Variants in NUP107 observed in about 807,000 individuals in gnomAD.
NUP107 encodes nucleoporin 107.
In NUP107, 101 loss-of-function variants were observed where a neutral mutation model predicts 141.0. The observed-to-expected ratio is 0.72, with a 90% CI of 0.61 to 0.84. NUP107 has a LOEUF of 0.84. Ranked by LOEUF, NUP107 falls within the 40% of genes least tolerant of loss-of-function variation. The pLI, the probability that NUP107 is intolerant of heterozygous loss-of-function variation, is 0.00. For missense variants in NUP107, 941 were observed against 1,102.7 expected (o/e 0.85, Z 2.08); for synonymous variants, 319 against 363.9 (o/e 0.88, Z 1.41).
rs760524131 is a variant in NUP107, at chr12:68,696,931, A to G, written c.552+9A>G. ...ACATCTGTGGTAGTCAGGTAAGCTA[A>G]TTTCACTCCGTCGTTAGTCAAACTT... On this transcript the variant is annotated intron_variant, in intron 6 of 27. Coordinates refer to ENST00000229179, the MANE Select transcript of NUP107 (RefSeq NM_020401.4). 12 of 1,508,856 alleles carry G rather than the reference A, an allele frequency of 8.0e-6. No homozygotes were observed. The highest frequency in any genetic ancestry group is 1.1e-5 in the Non-Finnish European group (12 of 1,095,792). 93.5% of individuals were successfully genotyped at this position (1,508,856 alleles called of 1,614,324 possible).
chr12:68,719,009 C>T (rs1877236914), intron 12 of NUP107, among the ~76,000 whole-genome samples: 1 of 152,136 alleles, frequency 6.6e-6, no homozygotes, highest in Admixed American at 6.5e-5. Flanking sequence ...CTGCCTCAGC[C>T]TCCCGAGTAG....
chr12:68,708,749 G>A (rs1261269694), intron 8 of NUP107, among the ~76,000 whole-genome samples: 5 of 152,020 alleles, frequency 3.3e-5, no homozygotes, highest in Non-Finnish European at 7.4e-5. Flanking sequence ...CCTCCGAGTA[G>A]CTGGGATTAC....
At chr12:68,741,362 A>G (rs1379112677) in intron 26 of NUP107, among the ~76,000 whole-genome samples, 1 of 152,096 alleles carries the variant, frequency 6.6e-6, no homozygotes, top group Non-Finnish European at 1.5e-5. Flanking sequence ...TCCATTTTCC[A>G]TGTGTATAAG....
intron 11 of NUP107, among the ~76,000 whole-genome samples, chr12:68,715,202 A>G (rs921230913): frequency 1.3e-5 from 2 of 152,166 alleles, no homozygotes; most frequent in African/African-American, 4.8e-5. Context: ...TTAAATTGAA[A>G]CAATTTATTT....
intron 4 of NUP107, 127 bp from the exon 5 acceptor site, chr12:68,691,841 G>GAAAA: frequency 3.5e-6 from 2 of 576,168 alleles, no homozygotes; most frequent in Non-Finnish European, 2.6e-6. Context: ...CTCAAGAAGG[G>GAAAA]AAAAAAAAAA....
intron 11 of NUP107, among the ~76,000 whole-genome samples, chr12:68,715,371 A>G (rs1226681200): frequency 6.6e-6 from 1 of 152,106 alleles, no homozygotes. Flanking sequence ...GCGTGCACCT[A>G]TAATCCCAGC....
intron 8 of NUP107, chr12:68,705,531 TTAAAAAA>T (rs2136013063): frequency 3.5e-6 from 1 of 283,754 alleles, no homozygotes; most frequent in East Asian, 8.2e-5. Context: ...AAAGTATTCT[TTAAAAAA>T]AAAAAAAAAA....
At chr12:68,736,717 C>CTTTTTTTTTTTTTTTTTTTTTTT (rs10713889) in intron 26 of NUP107, among the ~76,000 whole-genome samples, 6 of 105,882 alleles carry the variant, frequency 5.7e-5, no homozygotes, top group African/African-American at 2.2e-4. Flanking sequence ...GTGTCGCCAC[C>CTTTTTTTTTTTTTTTTTTTTTTT]TTTTTTTTTT....
intron 14 of NUP107, 125 bp downstream of exon 14, chr12:68,719,779 G>A: frequency 1.4e-6 from 1 of 691,050 alleles, no homozygotes; most frequent in South Asian, 1.7e-5. Flanking sequence ...ATTAAATTGA[G>A]GAATAGGCTT....
At chr12:68,699,455 GTAA>G (rs1270694469) in intron 6 of NUP107, among the ~76,000 whole-genome samples, 1 of 152,124 alleles carries the variant, frequency 6.6e-6, no homozygotes, top group African/African-American at 2.4e-5. Flanking sequence ...ACTGCATTCA[GTAA>G]TAATTGAAAT....
chr12:68,713,775 C>T lies in NUP107; in HGVS notation c.936C>T (p.Tyr312=), dbSNP rs370818496. ...TAAAACAACGGCAGCTGACTTCTTACGTTGGAAGTGTTCGTCCGCTTGTCA... is the reference window on the plus strand; with the variant it reads ...TAAAACAACGGCAGCTGACTTCTTATGTTGGAAGTGTTCGTCCGCTTGTCA... The part of the protein sequence containing the change: ...HTLKQRQLTS[Y]VGSVRPLVTE... Residue 312 remains tyrosine (Y), a synonymous_variant, in exon 11 of 28, where the codon TAC becomes TAT. Coordinates refer to ENST00000229179, the MANE Select transcript of NUP107 (RefSeq NM_020401.4). 26 of 1,610,274 alleles carry T rather than the reference C, an allele frequency of 1.6e-5. No homozygotes were observed. The highest frequency in any genetic ancestry group is 8.0e-5 in the African/African-American group (6 of 74,646).
At position 68,734,694 on chromosome 12, in the gene NUP107, A is replaced by G; in HGVS notation, c.2263-14A>G. Reference sequence around the variant, plus strand: ...TGTTATTTTATATTTTGGTTTTTTTATTTCACATTTTAGGAAGCCCATGAA... The same window carrying G: ...TGTTATTTTATATTTTGGTTTTTTTGTTTCACATTTTAGGAAGCCCATGAA... On this transcript the variant is annotated splice_polypyrimidine_tract_variant and intron_variant, in intron 24 of 27. Coordinates refer to ENST00000229179, the MANE Select transcript of NUP107 (RefSeq NM_020401.4). The G allele has an allele frequency of 6.7e-7, 1 of 1,503,152 alleles. No homozygotes were observed. Among genetic ancestry groups the G allele is most frequent in the Non-Finnish European group, 8.9e-7 (1 of 1,123,784 alleles). The allele number at this position is 1,503,152 out of a possible 1,614,324, so 93.1% of individuals were successfully genotyped here. A position where few individuals can be genotyped will look rare whatever the true frequency, so the allele number is the denominator to read the frequency against.
Position 68,733,481 on chromosome 12 carries a change from G to A in NUP107, c.2131G>A (p.Val711Ile). 6.2e-7 allele frequency: 1 copy of A among 1,609,406 alleles called. No individual in the cohort carries two copies. The highest frequency in any genetic ancestry group is 1.1e-5 in the South Asian group (1 of 89,698). ...AAAAAAGCACGAAGCTGCAAAAGAA[G>A]TATTTGTGAAAATTCCTCAGGATTC... is the stretch of plus-strand genomic sequence containing the variant. Reference protein sequence around the residue: ...ASKKHEAAKEVFVKIPQDSIA... With the variant: ...ASKKHEAAKEIFVKIPQDSIA... Residue 711 changes from valine to isoleucine, a missense_variant, in exon 24 of 28, where the codon GTA (valine) becomes ATA (isoleucine). Transcript: ENST00000229179.
chr12:68,701,760 T>C (rs1467133948), intron 7 of NUP107, among the ~76,000 whole-genome samples: 1 of 152,152 alleles, frequency 6.6e-6, no homozygotes, highest in Non-Finnish European at 1.5e-5. Flanking sequence ...TCATGACATA[T>C]TGTTATATGA....
intron 12 of NUP107, among the ~76,000 whole-genome samples, chr12:68,717,054 C>A (rs543540530): frequency 1.3e-5 from 2 of 152,090 alleles, no homozygotes; most frequent in Admixed American, 6.6e-5. Flanking sequence ...CACGCCTCCA[C>A]GCCTGGCTAA....
At chr12:68,688,342 C>T (rs1875605604) in intron 1 of NUP107, among the ~76,000 whole-genome samples, 1 of 152,156 alleles carries the variant, frequency 6.6e-6, no homozygotes, top group African/African-American at 2.4e-5. Flanking sequence ...TTAGTCCGCA[C>T]AATTTAGTTT....
intron 8 of NUP107, among the ~76,000 whole-genome samples, chr12:68,704,663 C>T (rs1301228620): frequency 6.6e-6 from 1 of 151,938 alleles, no homozygotes; most frequent in Non-Finnish European, 1.5e-5. Flanking sequence ...CCATGTTGTC[C>T]AGGCTGGTCT....
At chr12:68,733,852 G>A (rs1477236660) in intron 24 of NUP107, among the ~76,000 whole-genome samples, 1 of 152,162 alleles carries the variant, frequency 6.6e-6, no homozygotes, top group Non-Finnish European at 1.5e-5. Context: ...ATGATGTCTG[G>A]AAGTTATGTT....
At position 68,731,592 on chromosome 12, in the gene NUP107, CAA is replaced by C; in HGVS notation, c.1886-10_1886-9del. 1 of 1,481,036 alleles carries C rather than the reference CAA, an allele frequency of 6.8e-7. No homozygotes were observed. Among genetic ancestry groups the C allele is most frequent in the Non-Finnish European group, 9.1e-7 (1 of 1,102,210 alleles). The allele number at this position is 1,481,036 out of a possible 1,614,324, so 91.7% of individuals were successfully genotyped here. On this transcript the variant is annotated splice_polypyrimidine_tract_variant and intron_variant, in intron 21 of 27. Transcript: ENST00000229179. ...GATTAATCTTTGTTTTTTGTCGCTT[CAA>C]AAAATTATTTAGATTTGGATGTTGC...
Sources: allele counts gnomAD v4.1 joint callset (sites outside exome capture counted in the v4.1 genomes callset), GRCh38; gene constraint gnomAD v4.1.1; transcripts MANE v1.5; gene names NCBI Gene and HGNC (gene_info 2026-07-23, HGNC 2026-07-21).